MEIS1: variants seen among roughly 807,000 people sequenced by gnomAD.
MEIS1 encodes Meis homeobox 1, also known as homeobox protein Meis1.
In MEIS1, 5 loss-of-function variants were observed where a neutral mutation model predicts 50.8. The observed-to-expected ratio is 0.10, with a 90% CI of 0.05 to 0.21. The LOEUF (loss-of-function observed/expected upper bound fraction) is 0.21, where lower values mean the gene tolerates loss of function less well. Among genes scored for constraint, MEIS1 ranks in the 10% least tolerant of loss-of-function variants. The pLI is 1.00. For missense variants in MEIS1, 318 were observed against 517.3 expected, an observed-to-expected ratio of 0.61 and a Z score of 3.74; for synonymous variants, 176 against 179.3, an observed-to-expected ratio of 0.98 and a Z score of 0.15.
At chr2:66,494,720 A>G (rs1167458209) in intron 7 of MEIS1, among the ~76,000 whole-genome samples, 1 of 152,172 alleles carries the variant, frequency 6.6e-6, no homozygotes, top group Non-Finnish European at 1.5e-5. Context: ...TTTCACATAT[A>G]TGATCTCGCT....
intron 3 of MEIS1, 119 bp from the exon 4 acceptor site, chr2:66,440,443 G>T: frequency 7.0e-6 from 6 of 856,612 alleles, no homozygotes; most frequent in South Asian, 2.9e-5. Flanking sequence ...CTCCCGGAGG[G>T]TTACTTCCTG....
intron 7 of MEIS1, among the ~76,000 whole-genome samples, chr2:66,479,393 GA>G (rs1672967045): frequency 2.0e-5 from 3 of 152,172 alleles, no homozygotes; most frequent in African/African-American, 7.2e-5. Flanking sequence ...TGGGCTGTGG[GA>G]AAAGGATATG....
intron 7 of MEIS1, among the ~76,000 whole-genome samples, chr2:66,511,320 T>G (rs1024502341): frequency 9.2e-5 from 14 of 152,154 alleles, no homozygotes; most frequent in African/African-American, 3.4e-4. Flanking sequence ...GCCAAAATAT[T>G]TTCTAGAATA....
chr2:66,567,246 GA>G (rs1675370848), intron 9 of MEIS1, among the ~76,000 whole-genome samples: 1 of 152,246 alleles, frequency 6.6e-6, no homozygotes, highest in Non-Finnish European at 1.5e-5. Context: ...AATCAACTCA[GA>G]AACCCCAAGC....
intron 7 of MEIS1, among the ~76,000 whole-genome samples, chr2:66,509,742 T>C (rs1014108528): frequency 3.3e-5 from 5 of 152,368 alleles, no homozygotes; most frequent in African/African-American, 9.6e-5. Context: ...ATGGAGTATA[T>C]AATTCAGGTG....
chr2:66,462,005 A>C, intron 6 of MEIS1: 1 of 406,038 alleles, frequency 2.5e-6, no homozygotes, highest in Non-Finnish European at 5.0e-6. Flanking sequence ...TTAAGCATTG[A>C]ATTAATCTAC....
At chr2:66,444,301 T>A (rs117775419) in intron 6 of MEIS1, among the ~76,000 whole-genome samples, 2 of 152,308 alleles carry the variant, frequency 1.3e-5, no homozygotes, top group East Asian at 3.9e-4. Context: ...CTGCAAGCTC[T>A]GCCATGATCT....
intron 7 of MEIS1, among the ~76,000 whole-genome samples, chr2:66,491,884 A>G (rs1310104827): frequency 6.6e-6 from 1 of 152,082 alleles, no homozygotes; most frequent in Non-Finnish European, 1.5e-5. Flanking sequence ...CCAGAAAATT[A>G]TTAGCACCGT....
chr2:66,438,043 C>T (rs1463809959), intron 2 of MEIS1, 80 bp downstream of exon 2: 1 of 1,258,480 alleles, frequency 7.9e-7, no homozygotes, highest in African/African-American at 1.5e-5. Flanking sequence ...AGAGGAAAGT[C>T]AGAGTTCTCT....
intron 6 of MEIS1, among the ~76,000 whole-genome samples, chr2:66,455,399 CAAAGTT>C (rs1056514228): frequency 6.6e-6 from 1 of 152,108 alleles, no homozygotes; most frequent in African/African-American, 2.4e-5. Context: ...CATTGATTGT[CAAAGTT>C]AAAGAATTGG....
intron 7 of MEIS1, among the ~76,000 whole-genome samples, chr2:66,497,258 G>A (rs1014307717): frequency 6.6e-6 from 1 of 152,186 alleles, no homozygotes; most frequent in Admixed American, 6.5e-5. Context: ...TCAGATCTGG[G>A]TTGAATCCAC....
chr2:66,568,610 C>T (rs1675408871), intron 10 of MEIS1, 57 bp from the exon 11 acceptor site: 16 of 1,280,526 alleles, frequency 1.2e-5, no homozygotes, highest in Non-Finnish European at 1.7e-5. Flanking sequence ...CTCTCTTGGG[C>T]TATTTCTTTT....
At chr2:66,569,411 G>A in intron 12 of MEIS1, 1 of 233,504 alleles carries the variant, frequency 4.3e-6, no homozygotes, top group Non-Finnish European at 8.3e-6. Context: ...AGGTGGGGGA[G>A]TGGGTTGTCA....
chr2:66,498,705 C>G (rs1463407779), intron 7 of MEIS1, among the ~76,000 whole-genome samples: 1 of 152,168 alleles, frequency 6.6e-6, no homozygotes, highest in African/African-American at 2.4e-5. Context: ...TCCCCACGTC[C>G]CACTTCAGTG....
intron 7 of MEIS1, among the ~76,000 whole-genome samples, chr2:66,489,291 G>A (rs563639528): frequency 2.6e-4 from 39 of 152,280 alleles, no homozygotes; most frequent in African/African-American, 9.4e-4. Context: ...TGTCTAAGAA[G>A]GTAATTGTGT....
At chr2:66,554,131 T>C (rs1572899997) in intron 9 of MEIS1, among the ~76,000 whole-genome samples, 1 of 152,026 alleles carries the variant, frequency 6.6e-6, no homozygotes, top group South Asian at 2.1e-4. Flanking sequence ...AGGGTTGGGG[T>C]TCAAGTGAGG....
chr2:66,476,555 A>T (rs1672896596), intron 7 of MEIS1, among the ~76,000 whole-genome samples: 1 of 152,216 alleles, frequency 6.6e-6, no homozygotes, highest in South Asian at 2.1e-4. Flanking sequence ...AGTTTAGTAT[A>T]TCATAGGTTA....
chr2:66,568,832 C>T lies in MEIS1; in HGVS notation c.1114+76C>T, dbSNP rs566584959. On this transcript the variant is annotated intron_variant, in intron 11 of 12. Coordinates refer to ENST00000272369, the MANE Select transcript of MEIS1 (RefSeq NM_002398.3). ...ATCCCCTCATCAACACAGGTAAATC[C>T]GCCTCATCCTTTTCTGTTATCTCAA... The T allele has an allele frequency of 5.5e-4, 735 of 1,335,532 alleles. 3 individuals carry two copies. The highest frequency in any genetic ancestry group is 3.6e-3 in the Middle Eastern group (20 of 5,522). 82.7% of individuals were successfully genotyped at this position (1,335,532 alleles called of 1,614,324 possible).
intron 7 of MEIS1, among the ~76,000 whole-genome samples, chr2:66,470,899 C>T (rs546824629): frequency 3.2e-4 from 48 of 152,268 alleles, no homozygotes; most frequent in Non-Finnish European, 6.0e-4. Flanking sequence ...CTGTCTTTTT[C>T]TGTAAGGTGA....
Sources: gnomAD v4.1 joint callset for allele counts (sites outside exome capture counted in the v4.1 genomes callset) on GRCh38, gnomAD v4.1.1 for gene constraint, MANE v1.5 for transcripts, NCBI Gene and HGNC (gene_info 2026-07-23, HGNC 2026-07-21) for gene names.